KSR2: variants seen among roughly 807,000 people sequenced by gnomAD.
KSR2 encodes the protein kinase suppressor of ras 2.
A neutral mutation model predicts 107.8 loss-of-function variants in KSR2; 25 were observed. The observed-to-expected ratio is 0.23, with a 90% CI of 0.17 to 0.32. KSR2 has a LOEUF of 0.32. Among genes scored for constraint, KSR2 ranks in the 10% least tolerant of loss-of-function variants. The pLI is 1.00. For synonymous variants in KSR2, 480 were observed against 507.0 expected (o/e 0.95, Z 0.71); for missense variants, 887 against 1,268.9 (o/e 0.70, Z 4.57).
At chr12:117,698,292 C>A (rs1886155800) in intron 4 of KSR2, among the ~76,000 whole-genome samples, 1 of 151,964 alleles carries the variant, frequency 6.6e-6, no homozygotes, top group Non-Finnish European at 1.5e-5. Context: ...CCGAGACGTC[C>A]CACTGTTAAT....
At chr12:117,550,980 C>T (rs1030322110) in intron 9 of KSR2, among the ~76,000 whole-genome samples, 3 of 152,202 alleles carry the variant, frequency 2.0e-5, no homozygotes, top group African/African-American at 7.2e-5. Flanking sequence ...ACTCATTTTG[C>T]GGAGCCAGCC....
In KSR2 at chr12:117,854,410, T is replaced by C. The variant is rs78868043; in HGVS notation, c.472+1018A>G. ...GACTGGGCCGATGACCTGTTTCAAG[T>C]ATGTTCTGTTTTGTTCACCGCTGCC... On this transcript the variant is annotated intron_variant, in intron 3 of 19. Transcript: ENST00000339824. Among the ~76,000 whole-genome samples the C allele has an allele frequency of 9.8e-5, 15 of 152,298 alleles. No homozygotes were observed. In the East Asian group the frequency reaches 2.7e-3, roughly 27 times the overall value.
chr12:117,517,652 A>G, intron 14 of KSR2: 1 of 356,574 alleles, frequency 2.8e-6, no homozygotes, highest in South Asian at 2.2e-5. Flanking sequence ...TCCTTCACAA[A>G]AGTCCCAGGG....
intron 4 of KSR2, among the ~76,000 whole-genome samples, chr12:117,720,548 CCTGTAAATTTGCATCAGATG>C (rs1165515685): frequency 6.6e-6 from 1 of 152,184 alleles, no homozygotes; most frequent in Non-Finnish European, 1.5e-5. Flanking sequence ...GATTGGCATC[CCTGTAAATTTGCATCAGATG>C]TGTTTATTCA....
chr12:117,849,716 G>A (rs1236010434), intron 3 of KSR2, among the ~76,000 whole-genome samples: 1 of 152,152 alleles, frequency 6.6e-6, no homozygotes, highest in Non-Finnish European at 1.5e-5. Context: ...GAGAGAGACA[G>A]ACAGACAGAC....
chr12:117,777,318 C>G (rs531569311), intron 3 of KSR2, among the ~76,000 whole-genome samples: 1 of 152,044 alleles, frequency 6.6e-6, no homozygotes, highest in Non-Finnish European at 1.5e-5. Flanking sequence ...CTAAGGAACA[C>G]TAGACAGCAG....
intron 1 of KSR2, among the ~76,000 whole-genome samples, chr12:117,867,910 T>C (rs1182040795): frequency 6.6e-6 from 1 of 152,142 alleles, no homozygotes; most frequent in East Asian, 1.9e-4. Flanking sequence ...AATCTGAATT[T>C]TTCTCCAAAG....
chr12:117,663,788 G>T (rs1012773860), intron 5 of KSR2, among the ~76,000 whole-genome samples: 6 of 152,144 alleles, frequency 3.9e-5, no homozygotes, highest in African/African-American at 1.4e-4. Flanking sequence ...TTCTTTAGGG[G>T]ATTTAAGAAA....
intron 1 of KSR2, among the ~76,000 whole-genome samples, chr12:117,928,386 G>T (rs199769020): frequency 6.6e-6 from 1 of 152,114 alleles, no homozygotes; most frequent in East Asian, 1.9e-4. Context: ...GTTTCACCAT[G>T]TTGCCCAGGC....
intron 4 of KSR2, among the ~76,000 whole-genome samples, chr12:117,694,845 C>CTACTTCTT (rs1555228656): frequency 9.1e-5 from 9 of 99,100 alleles, no homozygotes; most frequent in African/African-American, 3.4e-4. Flanking sequence ...TTGTATGATT[C>CTACTTCTT]TTTTTTTTTT....
At chr12:117,893,040 C>T (rs1371414197) in intron 1 of KSR2, among the ~76,000 whole-genome samples, 17 of 140,032 alleles carry the variant, frequency 1.2e-4, no homozygotes, top group African/African-American at 3.5e-4. Flanking sequence ...TTTTTTGAGA[C>T]GGGGTCTTAC....
At chr12:117,688,625 G>A (rs1885683046) in intron 4 of KSR2, among the ~76,000 whole-genome samples, 1 of 152,220 alleles carries the variant, frequency 6.6e-6, no homozygotes, top group South Asian at 2.1e-4. Flanking sequence ...ACATGCTAGT[G>A]TCTGCTCAGG....
At chr12:117,502,965 T>C (rs1873466753) in intron 14 of KSR2, among the ~76,000 whole-genome samples, 1 of 152,090 alleles carries the variant, frequency 6.6e-6, no homozygotes, top group South Asian at 2.1e-4. Flanking sequence ...GGCAAGATAT[T>C]GGGGCGGACA....
At chr12:117,621,197 A>ACATGC (rs1882177746) in intron 5 of KSR2, among the ~76,000 whole-genome samples, 2 of 152,256 alleles carry the variant, frequency 1.3e-5, no homozygotes, top group Admixed American at 1.3e-4. Context: ...CTGTGCTTTC[A>ACATGC]CATGCTCTCT....
At chr12:117,703,776 C>T (rs766760462) in intron 4 of KSR2, among the ~76,000 whole-genome samples, 2 of 152,122 alleles carry the variant, frequency 1.3e-5, no homozygotes, top group Non-Finnish European at 2.9e-5. Context: ...CCTGCTCTGC[C>T]GGGGCATACG....
intron 3 of KSR2, among the ~76,000 whole-genome samples, chr12:117,766,780 A>G (rs1318593584): frequency 6.7e-6 from 1 of 149,784 alleles, no homozygotes; most frequent in Admixed American, 6.6e-5. Context: ...CAGCAGAAGG[A>G]TGGTAAGAGA....
At chr12:117,685,199 C>T (rs1335708427) in intron 4 of KSR2, among the ~76,000 whole-genome samples, 1 of 152,238 alleles carries the variant, frequency 6.6e-6, no homozygotes, top group African/African-American at 2.4e-5. Context: ...TAGGCCTGAT[C>T]TGTGTTGGCG....
chr12:117,501,903 T>C (rs974059129), intron 14 of KSR2, among the ~76,000 whole-genome samples: 3 of 152,222 alleles, frequency 2.0e-5, no homozygotes, highest in Non-Finnish European at 2.9e-5. Context: ...CACAGAGCCT[T>C]CCCAGGCAGC....
intron 5 of KSR2, among the ~76,000 whole-genome samples, chr12:117,617,857 A>C (rs953119501): frequency 6.6e-6 from 1 of 152,230 alleles, no homozygotes. Flanking sequence ...TAAAAAACCC[A>C]GATTAAACCT....
Sources: allele counts gnomAD v4.1 joint callset (sites outside exome capture counted in the v4.1 genomes callset), GRCh38; gene constraint gnomAD v4.1.1; transcripts MANE v1.5; gene names NCBI Gene and HGNC (gene_info 2026-07-23, HGNC 2026-07-21).